Variants in SH3KBP1 observed in about 807,000 individuals in gnomAD.
SH3KBP1 encodes the protein SH3 domain-containing kinase-binding protein 1.
SH3KBP1 carries 8 observed loss-of-function variants against 50.1 expected under a neutral mutation model. That is an observed-to-expected ratio of 0.16 (90% CI 0.09 to 0.29). The LOEUF (loss-of-function observed/expected upper bound fraction) is 0.29, where lower values mean the gene tolerates loss of function less well. Among genes scored for constraint, SH3KBP1 ranks in the 10% least tolerant of loss-of-function variants. The probability of loss-of-function intolerance (pLI) is 1.00; values close to 1 mark genes in which losing one functional copy is unlikely to be tolerated. For missense variants in SH3KBP1, 377 were observed against 535.2 expected, an observed-to-expected ratio of 0.70 and a Z score of 2.92; for synonymous variants, 227 against 218.6, an observed-to-expected ratio of 1.04 and a Z score of -0.34.
chrX:19,731,331 T>C (rs773320203), intron 3 of SH3KBP1, among the ~76,000 whole-genome samples: 1 of 112,668 alleles, frequency 8.9e-6, no homozygotes, highest in Non-Finnish European at 1.9e-5. Context: ...TTGTCTTGTA[T>C]ACATTCTCGC....
At position 19,717,997 on chromosome X, in the gene SH3KBP1, G is replaced by A. The variant is rs1429629705; in HGVS notation, c.287-11013C>T. On this transcript the variant is annotated intron_variant, in intron 3 of 17. Transcript: ENST00000397821. ...CACAGAGATCTACATGTGAAACCTG[G>A]ATGTCTACTGGGAGGGGAAGGTATA... Among the ~76,000 whole-genome samples the A allele has an allele frequency of 7.2e-5, 8 of 111,307 alleles. No homozygotes were observed. In the East Asian group the frequency reaches 2.2e-3, roughly 31 times the overall value.
intron 2 of SH3KBP1, among the ~76,000 whole-genome samples, chrX:19,830,539 T>C (rs2067840613): frequency 9.0e-6 from 1 of 110,899 alleles, no homozygotes; most frequent in Non-Finnish European, 1.9e-5. Flanking sequence ...AGAGGACTGC[T>C]TGAGCCCAGG....
chrX:19,873,117 A>G (rs1326243774), intron 1 of SH3KBP1, among the ~76,000 whole-genome samples: 1 of 108,611 alleles, frequency 9.2e-6, no homozygotes, highest in Non-Finnish European at 1.9e-5. Context: ...ACATATGTCC[A>G]TCACATCCTC....
At chrX:19,731,419 C>G (rs924916193) in intron 3 of SH3KBP1, among the ~76,000 whole-genome samples, 5 of 111,844 alleles carry the variant, frequency 4.5e-5, no homozygotes, top group Non-Finnish European at 9.4e-5. Context: ...ACCCTTCTAA[C>G]TTAGCTCCAC....
rs1555983401 is a variant in SH3KBP1, at chrX:19,554,243, T to TATCATATTAAAATATAATATTATATATC, written c.1385-4161_1385-4160insGATATATAATATTATATTTTAATATGAT. On this transcript the variant is annotated intron_variant, in intron 13 of 17. Coordinates refer to ENST00000397821, the MANE Select transcript of SH3KBP1 (RefSeq NM_031892.3). The stretch of plus-strand genomic sequence containing the variant: ...ATATATCATATTAAAATATATTATA[T>TATCATATTAAAATATAATATTATATATC]ATATTAAAATATATTATATATATTA... Among the ~76,000 whole-genome samples, 514 of 65,707 alleles carry TATCATATTAAAATATAATATTATATATC rather than the reference T, an allele frequency of 7.8e-3. 49 individuals carry two copies. Among genetic ancestry groups the TATCATATTAAAATATAATATTATATATC allele is most frequent in the African/African-American group, 0.025 (349 of 14,048 alleles). The allele number at this position is 65,707 out of a possible 115,157, so 57.1% of individuals were successfully genotyped here. A position where few individuals can be genotyped will look rare whatever the true frequency, so the allele number is the denominator to read the frequency against.
chrX:19,869,790 T>C (rs761530466), intron 1 of SH3KBP1, among the ~76,000 whole-genome samples: 3 of 112,725 alleles, frequency 2.7e-5, no homozygotes, highest in Non-Finnish European at 5.6e-5. Context: ...CATGAATATG[T>C]TATCTTCTTC....
At chrX:19,861,193 G>A (rs1245119680) in intron 1 of SH3KBP1, among the ~76,000 whole-genome samples, 4 of 109,740 alleles carry the variant, frequency 3.6e-5, no homozygotes, top group East Asian at 2.8e-4. Flanking sequence ...TGGTTAACAC[G>A]GTGAAACCCC....
intron 2 of SH3KBP1, among the ~76,000 whole-genome samples, chrX:19,801,780 TA>T (rs751573234): frequency 8.9e-6 from 1 of 112,225 alleles, no homozygotes; most frequent in South Asian, 3.7e-4. Flanking sequence ...AAGCTGTTTC[TA>T]AAACCTTGCC....
At position 19,675,606 on chromosome X, in the gene SH3KBP1, G is replaced by A. The variant is rs1162434893; in HGVS notation, c.726+8217C>T. On this transcript the variant is annotated intron_variant, in intron 6 of 17. Transcript: ENST00000397821. ...TTTTTAGTAGAGACTGGGTTTCACA[G>A]TGTTAGCCAGGATGGTCTCCATTTC... is the stretch of plus-strand genomic sequence containing the variant. 2.7e-5 allele frequency among the ~76,000 whole-genome samples: 3 copies of A among 110,690 alleles called. No homozygotes were observed. The Admixed American group carries it at 2.9e-4, about 11-fold the overall frequency.
At position 19,760,041 on chromosome X, in the gene SH3KBP1, C is replaced by CCTCTCTCTCT. The variant is rs745515349; in HGVS notation, c.163-13610_163-13601dup. Among the ~76,000 whole-genome samples, 230 of 50,431 alleles carry CCTCTCTCTCT rather than the reference C, an allele frequency of 4.6e-3. 6 individuals carry two copies. The highest frequency in any genetic ancestry group is 0.023 in the Middle Eastern group (2 of 88). 43.8% of individuals were successfully genotyped at this position (50,431 alleles called of 115,157 possible). ...TCTCTCTCCTCTCTCTCTCTCTCTC[C>CCTCTCTCTCT]CTCTCTCTCTCTCTCTCTCTCTCTC... On this transcript the variant is annotated intron_variant, in intron 2 of 17. Transcript: ENST00000397821.
At chrX:19,691,840 G>T (rs1185511776) in intron 5 of SH3KBP1, among the ~76,000 whole-genome samples, 1 of 111,399 alleles carries the variant, frequency 9.0e-6, no homozygotes, top group Non-Finnish European at 1.9e-5. Context: ...ACTGATGCAT[G>T]TTAAAATATT....
chrX:19,623,590 G>A (rs776532938), intron 8 of SH3KBP1, among the ~76,000 whole-genome samples: 13 of 111,879 alleles, frequency 1.2e-4, no homozygotes, highest in Middle Eastern at 4.7e-3. Flanking sequence ...AGGCTGAGGC[G>A]GGAGAATCAC....
chrX:19,648,470 G>A lies in SH3KBP1; in HGVS notation c.727-2995C>T, dbSNP rs761009524. Among the ~76,000 whole-genome samples the A allele has an allele frequency of 4.7e-5, 5 of 107,359 alleles. No individual in the cohort carries two copies. The South Asian group carries it at 1.7e-3, about 37-fold the overall frequency. 93.2% of individuals were successfully genotyped at this position (107,359 alleles called of 115,157 possible). On this transcript the variant is annotated intron_variant, in intron 6 of 17. Coordinates refer to ENST00000397821, the MANE Select transcript of SH3KBP1 (RefSeq NM_031892.3). ...AGGGAAGGAGGGAGGGAAGGAGGGA[G>A]GGAAGGAAGGAAAGAAAGGAAGAAA...
At chrX:19,555,266 G>C (rs1251618251) in intron 13 of SH3KBP1, among the ~76,000 whole-genome samples, 1 of 112,097 alleles carries the variant, frequency 8.9e-6, no homozygotes, top group Non-Finnish European at 1.9e-5. Context: ...AGACATACGG[G>C]GATAATTCAT....
At chrX:19,543,698 A>C (rs1460351775) in intron 15 of SH3KBP1, among the ~76,000 whole-genome samples, 3 of 110,880 alleles carry the variant, frequency 2.7e-5, no homozygotes, top group Non-Finnish European at 5.7e-5. Flanking sequence ...GACTGGGGAG[A>C]CCCTAAGCTG....
At chrX:19,611,377 G>A (rs1308157627) in intron 8 of SH3KBP1, among the ~76,000 whole-genome samples, 6 of 111,086 alleles carry the variant, frequency 5.4e-5, no homozygotes, top group Middle Eastern at 4.6e-3. Flanking sequence ...GTTTTGAGAC[G>A]CAGTCTCACT....
At chrX:19,555,149 A>G (rs1183701387) in intron 13 of SH3KBP1, among the ~76,000 whole-genome samples, 1 of 112,957 alleles carries the variant, frequency 8.9e-6, no homozygotes, top group Non-Finnish European at 1.9e-5. Context: ...CCCATAAGTC[A>G]GTCCAAAACT....
At chrX:19,543,446 TG>T (rs1337662888) in intron 15 of SH3KBP1, among the ~76,000 whole-genome samples, 1 of 111,453 alleles carries the variant, frequency 9.0e-6, no homozygotes, top group Non-Finnish European at 1.9e-5. Context: ...ACGAAGTGGT[TG>T]CATGCGTGGG....
intron 2 of SH3KBP1, among the ~76,000 whole-genome samples, chrX:19,829,903 CCGGAACTGCGAGTTCCTCCCCT>C (rs1396745561): frequency 9.0e-6 from 1 of 110,606 alleles, no homozygotes; most frequent in Non-Finnish European, 1.9e-5. Context: ...TGGGCAATTC[CCGGAACTGCGAGTTCCTCCCCT>C]TTTTAGACAG....
Sources: gnomAD v4.1 joint callset for allele counts (sites outside exome capture counted in the v4.1 genomes callset) on GRCh38, gnomAD v4.1.1 for gene constraint, MANE v1.5 for transcripts, NCBI Gene and HGNC (gene_info 2026-07-23, HGNC 2026-07-21) for gene names.